The following PRELID2 variants were observed in gnomAD, a reference collection of about 807,000 sequenced individuals.
PRELID2 encodes PRELI domain-containing protein 2.
Under a neutral mutation model 28.4 loss-of-function variants are expected in PRELID2, and 25 were observed. That is an observed-to-expected ratio of 0.88 (90% CI 0.64 to 1.23). The LOEUF (loss-of-function observed/expected upper bound fraction) is 1.23, where lower values mean the gene tolerates loss of function less well. Ranked by LOEUF, PRELID2 falls within the 50% of genes most tolerant of loss-of-function variation. The pLI is 0.00. For missense variants in PRELID2, 201 were observed against 214.4 expected (o/e 0.94, Z 0.39); for synonymous variants, 76 against 71.6 (o/e 1.06, Z -0.31).
intron 1 of PRELID2, among the ~76,000 whole-genome samples, chr5:145,504,036 C>T (rs1017310736): frequency 2.6e-5 from 4 of 152,110 alleles, no homozygotes; most frequent in African/African-American, 7.2e-5. Context: ...AGAGGCTTGC[C>T]CAATTTGCCC....
At chr5:145,468,242 G>T (rs1752021233), downstream of PRELID2, among the ~76,000 whole-genome samples, 1 of 152,104 alleles carries the variant, frequency 6.6e-6, no homozygotes, top group South Asian at 2.1e-4. Flanking sequence ...CAAAGGACAT[G>T]AACTCATCAC....
intron 1 of PRELID2, among the ~76,000 whole-genome samples, chr5:145,742,084 AT>A (rs1756822358): frequency 2.7e-5 from 1 of 37,312 alleles, no homozygotes; most frequent in Non-Finnish European, 6.5e-5. Flanking sequence ...ACGTAATTAT[AT>A]ATTTATAATT....
intron 1 of PRELID2, among the ~76,000 whole-genome samples, chr5:145,829,054 TTGTTGGTGG>T (rs1376926625): frequency 6.7e-6 from 1 of 148,932 alleles, no homozygotes; most frequent in Non-Finnish European, 1.5e-5. Flanking sequence ...GGTTTTGTTG[TTGTTGGTGG>T]TGGTGGTGGT....
At chr5:145,357,097 T>A in the PRELID2 span, among the ~76,000 whole-genome samples, 1 of 152,226 alleles carries the variant, frequency 6.6e-6, no homozygotes. Context: ...GAGTTTCTGC[T>A]GAAAGGCCTT....
At chr5:145,820,058 A>T in intron 2 of PRELID2, 40 bp from the exon 3 acceptor site, 6 of 1,222,838 alleles carry the variant, frequency 4.9e-6, no homozygotes, top group Non-Finnish European at 7.1e-6. Context: ...AAATTAAAGA[A>T]ATGTGTTCTT....
chr5:145,413,340 T>C, the PRELID2 span, among the ~76,000 whole-genome samples: 1 of 76,792 alleles, frequency 1.3e-5, no homozygotes, highest in African/African-American at 5.1e-5. Context: ...ATAATAGAAG[T>C]TGACATGAAT....
chr5:145,469,601 A>G (rs1179203024), downstream of PRELID2, among the ~76,000 whole-genome samples: 1 of 152,106 alleles, frequency 6.6e-6, no homozygotes, highest in Non-Finnish European at 1.5e-5. Context: ...ATTCCAAAGC[A>G]AAAAGGCAGC....
intron 1 of PRELID2, among the ~76,000 whole-genome samples, chr5:145,686,661 T>C (rs1463846996): frequency 6.6e-6 from 1 of 152,224 alleles, no homozygotes; most frequent in African/African-American, 2.4e-5. Context: ...GTCCCATTCA[T>C]GAAACGGGAA....
rs1259417641 is a variant in PRELID2, at chr5:145,798,231, A to G, written c.369-1684T>C. Among the ~76,000 whole-genome samples the G allele has an allele frequency of 2.6e-5, 4 of 152,266 alleles. No individual in the cohort carries two copies. The East Asian group carries it at 5.8e-4, about 22-fold the overall frequency. The stretch of plus-strand genomic sequence containing the variant: ...AAAGTCAAGAGAGCCTAAGGGACTT[A>G]TAAGACATCATCAAACAGATCATTA... On this transcript the variant is annotated intron_variant, in intron 4 of 6. Coordinates refer to ENST00000683046, the MANE Select transcript of PRELID2 (RefSeq NM_205846.3).
the PRELID2 span, among the ~76,000 whole-genome samples, chr5:145,316,689 C>T: frequency 6.6e-6 from 1 of 152,160 alleles, no homozygotes; most frequent in Non-Finnish European, 1.5e-5. Context: ...TAGGGCTACT[C>T]CCCAGAGCAG....
intron 1 of PRELID2, among the ~76,000 whole-genome samples, chr5:145,602,537 G>A (rs1753412419): frequency 6.6e-6 from 1 of 152,078 alleles, no homozygotes; most frequent in African/African-American, 2.4e-5. Flanking sequence ...AATGGAAGTA[G>A]CAGATGCAGA....
intron 5 of PRELID2, among the ~76,000 whole-genome samples, chr5:145,790,023 G>T (rs1052349386): frequency 7.2e-5 from 11 of 152,282 alleles, no homozygotes; most frequent in African/African-American, 2.6e-4. Context: ...GAGGAGAAAA[G>T]GATGCCCTTG....
At chr5:145,677,113 T>C (rs922709064) in intron 1 of PRELID2, among the ~76,000 whole-genome samples, 1 of 145,556 alleles carries the variant, frequency 6.9e-6, no homozygotes, top group African/African-American at 2.8e-5. Context: ...AATGATTGTA[T>C]TGAGATTATG....
At chr5:145,365,746 G>A in the PRELID2 span, among the ~76,000 whole-genome samples, 1 of 151,894 alleles carries the variant, frequency 6.6e-6, no homozygotes, top group African/African-American at 2.4e-5. Context: ...TAGATCAAAT[G>A]TTTCAGTGTT....
At chr5:145,682,133 C>T (rs910893468) in intron 1 of PRELID2, among the ~76,000 whole-genome samples, 2 of 151,010 alleles carry the variant, frequency 1.3e-5, no homozygotes, top group African/African-American at 2.4e-5. Context: ...ATGTAGAATA[C>T]TATTCATTCT....
chr5:145,623,119 A>G (rs1753794108), intron 1 of PRELID2, among the ~76,000 whole-genome samples: 1 of 152,002 alleles, frequency 6.6e-6, no homozygotes, highest in African/African-American at 2.4e-5. Flanking sequence ...GTCAGGAAGA[A>G]GAATCACTTC....
the PRELID2 span, among the ~76,000 whole-genome samples, chr5:145,309,201 G>A: frequency 2.0e-5 from 3 of 152,178 alleles, no homozygotes; most frequent in Non-Finnish European, 4.4e-5. Flanking sequence ...AATACTACAG[G>A]AAGTAATCAA....
At chr5:145,584,163 A>G (rs996071020) in intron 1 of PRELID2, among the ~76,000 whole-genome samples, 2 of 152,142 alleles carry the variant, frequency 1.3e-5, no homozygotes, top group Non-Finnish European at 2.9e-5. Context: ...ATCTTTGGCA[A>G]ACCTGACAAA....
At chr5:145,423,142 A>C in the PRELID2 span, among the ~76,000 whole-genome samples, 198 of 151,982 alleles carry the variant, frequency 1.3e-3, 2 homozygotes, top group Admixed American at 3.1e-3. Context: ...AGGGTAACCC[A>C]ACCTTTCTCT....
Sources: gnomAD v4.1 joint callset for allele counts (sites outside exome capture counted in the v4.1 genomes callset) on GRCh38, gnomAD v4.1.1 for gene constraint, MANE v1.5 for transcripts, NCBI Gene and HGNC (gene_info 2026-07-23, HGNC 2026-07-21) for gene names.